PELI2: variants seen among roughly 807,000 people sequenced by gnomAD.
PELI2 encodes E3 ubiquitin-protein ligase pellino homolog 2.
A neutral mutation model predicts 42.3 loss-of-function variants in PELI2; 23 were observed. The observed-to-expected ratio is 0.54, with a 90% CI of 0.39 to 0.77. The LOEUF (loss-of-function observed/expected upper bound fraction) is 0.77. Among genes scored for constraint, PELI2 ranks in the 30% least tolerant of loss-of-function variants. PELI2 has a pLI of 0.00. For missense variants in PELI2, 463 were observed against 553.2 expected, an observed-to-expected ratio of 0.84 and a Z score of 1.64; for synonymous variants, 245 against 212.2, an observed-to-expected ratio of 1.15 and a Z score of -1.34.
intron 2 of PELI2, among the ~76,000 whole-genome samples, chr14:56,232,777 A>G (rs12589192): frequency 0.15 from 12,910 of 87,046 alleles, 1,513 homozygotes; most frequent in Middle Eastern, 0.2. Flanking sequence ...GGCAGGAGAA[A>G]GAAATAAAGG....
chr14:56,160,007 CTTTG>C (rs760853410), intron 1 of PELI2, among the ~76,000 whole-genome samples: 1 of 147,882 alleles, frequency 6.8e-6, no homozygotes, highest in Admixed American at 6.7e-5. Context: ...TAAACAGTTT[CTTTG>C]TTTTTTTTTT....
intron 2 of PELI2, among the ~76,000 whole-genome samples, chr14:56,252,630 T>C (rs1449293470): frequency 3.3e-5 from 5 of 152,052 alleles, no homozygotes; most frequent in Non-Finnish European, 7.4e-5. Flanking sequence ...AACAGCTTCT[T>C]GCAAGAGAGA....
At chr14:56,264,798 C>T (rs1255206082) in intron 2 of PELI2, among the ~76,000 whole-genome samples, 1 of 152,080 alleles carries the variant, frequency 6.6e-6, no homozygotes, top group Non-Finnish European at 1.5e-5. Flanking sequence ...AAAAATGTTG[C>T]AACAAGAGGC....
chr14:56,206,278 A>C (rs1389789196), intron 2 of PELI2, among the ~76,000 whole-genome samples: 1 of 152,194 alleles, frequency 6.6e-6, no homozygotes, highest in East Asian at 1.9e-4. Flanking sequence ...AAAAACACAA[A>C]AGTTGTATTA....
intron 2 of PELI2, among the ~76,000 whole-genome samples, chr14:56,206,961 T>C (rs1430586457): frequency 6.6e-6 from 1 of 152,250 alleles, no homozygotes; most frequent in Non-Finnish European, 1.5e-5. Flanking sequence ...CAAAATGTGC[T>C]CAACAAGTTA....
intron 1 of PELI2, among the ~76,000 whole-genome samples, chr14:56,124,354 T>C (rs1371164540): frequency 6.6e-6 from 1 of 152,194 alleles, no homozygotes; most frequent in African/African-American, 2.4e-5. Flanking sequence ...TGCATTCTGA[T>C]GTGTTTTCTC....
At chr14:56,258,558 G>A (rs1013353066) in intron 2 of PELI2, among the ~76,000 whole-genome samples, 2 of 147,714 alleles carry the variant, frequency 1.4e-5, no homozygotes, top group African/African-American at 5.1e-5. Context: ...ACTTCTGAAG[G>A]TGAAAAATAA....
intron 1 of PELI2, among the ~76,000 whole-genome samples, chr14:56,121,072 C>T (rs1883041764): frequency 6.6e-6 from 1 of 152,122 alleles, no homozygotes; most frequent in African/African-American, 2.4e-5. Context: ...ATAACATTCA[C>T]ATAGAATTAA....
chr14:56,163,516 G>T (rs549340251), intron 1 of PELI2, among the ~76,000 whole-genome samples: 1 of 151,542 alleles, frequency 6.6e-6, no homozygotes, highest in Admixed American at 6.6e-5. Flanking sequence ...TGATTTCTCC[G>T]GTTTCATTCT....
chr14:56,198,583 G>T (rs1424997845), intron 2 of PELI2, among the ~76,000 whole-genome samples: 1 of 152,186 alleles, frequency 6.6e-6, no homozygotes, highest in Non-Finnish European at 1.5e-5. Context: ...GAGCAGCGGG[G>T]ACAGTGTCCA....
At chr14:56,119,701 GAGGGGGA>G in intron 1 of PELI2, 3 of 898,778 alleles carry the variant, frequency 3.3e-6, no homozygotes, top group Non-Finnish European at 4.0e-6. Context: ...AGTGAAAGGG[GAGGGGGA>G]AGGGGGAAGT....
At chr14:56,136,258 T>C (rs1440263888) in intron 1 of PELI2, among the ~76,000 whole-genome samples, 3 of 152,178 alleles carry the variant, frequency 2.0e-5, no homozygotes, top group African/African-American at 7.2e-5. Flanking sequence ...GGGGGTGTGG[T>C]GGAATGTTGA....
rs750436100 is a variant in PELI2 at position 56,297,186 on chromosome 14, C to T, written c.*20C>T. ...GACTGACGCCCTTGACAGCCATCTA[C>T]GACTTTATTAACAGGTTACTGTGAA... On this transcript the variant is annotated 3_prime_UTR_variant, in exon 6 of 6. Transcript: ENST00000267460. 3.5e-5 allele frequency: 54 copies of T among 1,541,858 alleles called. No individual in the cohort carries two copies. In the Admixed American group the frequency reaches 5.6e-4, roughly 16 times the overall value.
intron 1 of PELI2, among the ~76,000 whole-genome samples, chr14:56,133,381 T>TCCC (rs1385286076): frequency 4.6e-5 from 7 of 152,178 alleles, no homozygotes; most frequent in African/African-American, 1.7e-4. Flanking sequence ...TCTCTGTATG[T>TCCC]TTTAACAGGA....
At chr14:56,258,676 T>TG (rs1314120155) in intron 2 of PELI2, among the ~76,000 whole-genome samples, 1 of 151,464 alleles carries the variant, frequency 6.6e-6, no homozygotes, top group African/African-American at 2.4e-5. Context: ...AGTTCCAATA[T>TG]GGGGCAAGAG....
chr14:56,160,849 A>G (rs1027037445), intron 1 of PELI2, among the ~76,000 whole-genome samples: 2 of 152,180 alleles, frequency 1.3e-5, no homozygotes, highest in African/African-American at 4.8e-5. Context: ...ACTGGGGCCC[A>G]TCTTAGTTAT....
At chr14:56,182,634 G>T (rs1885628260) in intron 2 of PELI2, among the ~76,000 whole-genome samples, 1 of 151,976 alleles carries the variant, frequency 6.6e-6, no homozygotes, top group South Asian at 2.1e-4. Context: ...GAAAATATTA[G>T]TGGTCTTTGA....
In PELI2 at chr14:56,290,315, C is replaced by T. The variant is rs368878161; in HGVS notation, c.555C>T (p.Leu185=). 13 of 1,611,394 alleles carry T rather than the reference C, an allele frequency of 8.1e-6. No individual in the cohort carries two copies. The highest frequency in any genetic ancestry group is 1.0e-5 in the Non-Finnish European group (12 of 1,178,296). ...ACCCCGACGGCCACATGGATGGGCTCACTACTAATGGCGTCCTGGTGATGC... is the reference window on the plus strand; with the variant it reads ...ACCCCGACGGCCACATGGATGGGCTTACTACTAATGGCGTCCTGGTGATGC... The part of the protein sequence containing the change: ...WKNPDGHMDG[L]TTNGVLVMHP... Residue 185 remains leucine (L), a synonymous_variant, in exon 5 of 6, where the codon CTC becomes CTT. Transcript: ENST00000267460.
intron 5 of PELI2, among the ~76,000 whole-genome samples, chr14:56,293,627 A>G (rs1045003886): frequency 6.6e-6 from 1 of 152,186 alleles, no homozygotes; most frequent in Non-Finnish European, 1.5e-5. Context: ...GAAAACACCA[A>G]GTCCACGCTC....
Sources: allele counts gnomAD v4.1 joint callset (sites outside exome capture counted in the v4.1 genomes callset), GRCh38; gene constraint gnomAD v4.1.1; transcripts MANE v1.5; gene names NCBI Gene and HGNC (gene_info 2026-07-23, HGNC 2026-07-21).